NRG1: variants seen among roughly 807,000 people sequenced by gnomAD.
NRG1 encodes pro-neuregulin-1, membrane-bound isoform.
In NRG1, 18 loss-of-function variants were observed where a neutral mutation model predicts 63.8. The ratio of observed to expected loss-of-function variants is 0.28; its 90% confidence interval spans 0.19 to 0.42. The LOEUF is 0.42. Among genes scored for constraint, NRG1 ranks in the 10% least tolerant of loss-of-function variants. NRG1 has a pLI of 1.00. For missense variants in NRG1, 762 were observed against 814.7 expected (o/e 0.94, Z 0.79); for synonymous variants, 302 against 301.3 (o/e 1.00, Z -0.02).
intron 1 of NRG1, among the ~76,000 whole-genome samples, chr8:32,309,454 C>G (rs1046478171): frequency 5.3e-5 from 8 of 152,202 alleles, no homozygotes; most frequent in African/African-American, 1.9e-4. Flanking sequence ...TCAGACTTCA[C>G]TGTCTTGTGA....
At chr8:31,655,505 G>A (rs1333096854) in intron 1 of NRG1, among the ~76,000 whole-genome samples, 1 of 152,136 alleles carries the variant, frequency 6.6e-6, no homozygotes, top group African/African-American at 2.4e-5. Flanking sequence ...GAGAAGGTGA[G>A]GAATAGCAGA....
intron 1 of NRG1, among the ~76,000 whole-genome samples, chr8:32,007,538 G>A (rs1462157304): frequency 6.6e-6 from 1 of 151,982 alleles, no homozygotes; most frequent in Non-Finnish European, 1.5e-5. Flanking sequence ...TAACTAGCTT[G>A]CCCAAGGTTA....
intron 8 of NRG1, 79 bp from the exon 9 acceptor site, chr8:32,756,324 G>A (rs1313909423): frequency 2.0e-6 from 3 of 1,531,012 alleles, no homozygotes; most frequent in Non-Finnish European, 2.7e-6. Flanking sequence ...ACTCATAGGT[G>A]TTGGTAGAAT....
intron 5 of NRG1, among the ~76,000 whole-genome samples, chr8:32,687,927 G>T (rs1387770507): frequency 6.6e-6 from 1 of 152,096 alleles, no homozygotes; most frequent in African/African-American, 2.4e-5. Flanking sequence ...GAGATCAGGA[G>T]TTCAAATCCA....
intron 1 of NRG1, among the ~76,000 whole-genome samples, chr8:32,056,754 G>A (rs1394455229): frequency 2.6e-5 from 4 of 152,160 alleles, no homozygotes. Flanking sequence ...ATGAGACCCA[G>A]GGGGAAATAT....
intron 1 of NRG1, among the ~76,000 whole-genome samples, chr8:32,466,952 A>G (rs145264768): frequency 1.4e-3 from 209 of 152,224 alleles, no homozygotes; most frequent in Non-Finnish European, 2.3e-3. Context: ...ACATGTGATC[A>G]ATAGTAAAAG....
At chr8:32,713,637 G>C (rs1408914271) in intron 5 of NRG1, among the ~76,000 whole-genome samples, 1 of 147,762 alleles carries the variant, frequency 6.8e-6, no homozygotes, top group Non-Finnish European at 1.5e-5. Flanking sequence ...TGTGGCCAGA[G>C]TTTTCTGTTT....
At chr8:32,336,835 C>T (rs191998873) in intron 1 of NRG1, among the ~76,000 whole-genome samples, 10 of 152,252 alleles carry the variant, frequency 6.6e-5, no homozygotes, top group Non-Finnish European at 1.3e-4. Flanking sequence ...GTCTCAAACT[C>T]CTGTGCTCAG....
At chr8:32,552,936 G>T (rs1834427391) in intron 1 of NRG1, among the ~76,000 whole-genome samples, 1 of 152,144 alleles carries the variant, frequency 6.6e-6, no homozygotes. Flanking sequence ...TGAGGGACCT[G>T]CTATTTATTG....
At chr8:32,338,235 G>A (rs371534924) in intron 1 of NRG1, among the ~76,000 whole-genome samples, 2 of 152,166 alleles carry the variant, frequency 1.3e-5, no homozygotes, top group Non-Finnish European at 2.9e-5. Flanking sequence ...AATAAATAAC[G>A]TCTTTGCCTT....
At chr8:31,924,431 C>T (rs2129619336) in intron 1 of NRG1, among the ~76,000 whole-genome samples, 1 of 151,972 alleles carries the variant, frequency 6.6e-6, no homozygotes, top group South Asian at 2.1e-4. Flanking sequence ...ATCTTTTTGA[C>T]ATCTGTAGGA....
intron 1 of NRG1, among the ~76,000 whole-genome samples, chr8:32,480,740 C>A (rs1825159491): frequency 6.6e-6 from 1 of 152,092 alleles, no homozygotes; most frequent in Non-Finnish European, 1.5e-5. Flanking sequence ...AAAGGGGGAG[C>A]CCACATATCA....
chr8:32,100,803 G>A (rs1830475391), intron 1 of NRG1, among the ~76,000 whole-genome samples: 1 of 152,196 alleles, frequency 6.6e-6, no homozygotes, highest in Admixed American at 6.5e-5. Flanking sequence ...CAGAGATGCT[G>A]CAGTTGCTTG....
intron 1 of NRG1, among the ~76,000 whole-genome samples, chr8:31,940,047 T>C (rs143122817): frequency 1.5e-3 from 229 of 152,060 alleles, no homozygotes; most frequent in African/African-American, 5.3e-3. Context: ...CTGCAACAAA[T>C]GAACTTAACA....
rs1164696498 is a variant in NRG1, at chr8:32,366,677, G to GTGTA, written c.38-229150_38-229149insGTAT. ...ATTGTGTGTGTGTGTGTGTGTGTGTGTATATATATATATATATATATATAT... is the reference window on the plus strand; with the variant it reads ...ATTGTGTGTGTGTGTGTGTGTGTGTGTGTATATATATATATATATATATATATAT... On this transcript the variant is annotated intron_variant, in intron 1 of 10. Coordinates refer to the NRG1 transcript ENST00000519301. 4.3e-3 allele frequency among the ~76,000 whole-genome samples: 376 copies of GTGTA among 87,282 alleles called. 2 individuals carry two copies. The highest frequency in any genetic ancestry group is 0.011 in the East Asian group (30 of 2,800). The allele number at this position is 87,282 out of a possible 152,430, so 57.3% of individuals were successfully genotyped here.
intron 1 of NRG1, among the ~76,000 whole-genome samples, chr8:32,149,395 C>T (rs1837250962): frequency 2.6e-5 from 4 of 152,208 alleles, no homozygotes; most frequent in Non-Finnish European, 2.9e-5. Flanking sequence ...GCATGTCTTC[C>T]GGTCTGGAAT....
intron 1 of NRG1, among the ~76,000 whole-genome samples, chr8:32,187,626 A>G (rs995026839): frequency 6.6e-6 from 1 of 152,148 alleles, no homozygotes; most frequent in Non-Finnish European, 1.5e-5. Context: ...TTTATGCTGC[A>G]CTTAGGCTAA....
At chr8:32,635,528 C>T (rs982953559) in intron 5 of NRG1, among the ~76,000 whole-genome samples, 17 of 151,690 alleles carry the variant, frequency 1.1e-4, no homozygotes, top group Admixed American at 6.6e-5. Flanking sequence ...ACAATTCAAG[C>T]ATTTAGCCCT....
chr8:32,451,301 G>A (rs1820912922), intron 1 of NRG1, among the ~76,000 whole-genome samples: 1 of 151,982 alleles, frequency 6.6e-6, no homozygotes, highest in South Asian at 2.1e-4. Context: ...CCTCCCTCCT[G>A]CCCTAGTCAC....
Sources: gnomAD v4.1 joint callset for allele counts (sites outside exome capture counted in the v4.1 genomes callset) on GRCh38, gnomAD v4.1.1 for gene constraint, MANE v1.5 for transcripts, NCBI Gene and HGNC (gene_info 2026-07-23, HGNC 2026-07-21) for gene names.